PARN: variants seen among roughly 807,000 people sequenced by gnomAD.
The protein encoded by PARN is poly(A)-specific ribonuclease.
Under a neutral mutation model 102.8 loss-of-function variants are expected in PARN, and 71 were observed. The ratio of observed to expected loss-of-function variants is 0.69; its 90% CI spans 0.57 to 0.84. The LOEUF is 0.84. Ranked by LOEUF, PARN falls within the 40% of genes least tolerant of loss-of-function variation. The probability of loss-of-function intolerance (pLI) is 0.00; values close to 1 mark genes in which losing one functional copy is unlikely to be tolerated. For synonymous variants in PARN, 261 were observed against 252.9 expected (o/e 1.03, Z -0.30); for missense variants, 782 against 760.9 (o/e 1.03, Z -0.33).
chr16:14,474,422 T>C (rs1263274912), intron 22 of PARN, among the ~76,000 whole-genome samples: 1 of 152,206 alleles, frequency 6.6e-6, no homozygotes, highest in African/African-American at 2.4e-5. Context: ...CTATAAGGAT[T>C]TTCAAAACTC....
intron 21 of PARN, among the ~76,000 whole-genome samples, chr16:14,546,423 T>A (rs1966946688): frequency 6.6e-6 from 1 of 152,248 alleles, no homozygotes; most frequent in South Asian, 2.1e-4. Flanking sequence ...ACTATCTGAA[T>A]TTGGGCTTTT....
At chr16:14,439,423 G>A (rs538206740) in intron 23 of PARN, among the ~76,000 whole-genome samples, 56 of 149,232 alleles carry the variant, frequency 3.8e-4, no homozygotes, top group African/African-American at 1.3e-3. Context: ...AAGAAGACAG[G>A]GAGGGAGGGA....
chr16:14,555,758 C>T (rs1390300974), intron 18 of PARN, 49 bp from the exon 19 acceptor site: 11 of 957,526 alleles, frequency 1.1e-5, no homozygotes, highest in African/African-American at 1.7e-5. Context: ...CTTTAAAAGA[C>T]AGGCATTTTG....
intron 7 of PARN, among the ~76,000 whole-genome samples, chr16:14,609,949 C>T (rs561049063): frequency 1.9e-4 from 29 of 152,314 alleles, no homozygotes; most frequent in Admixed American, 3.3e-4. Flanking sequence ...CAATGGCTCA[C>T]GCCTGTAATC....
At chr16:14,608,590 G>A (rs1971334972) in intron 8 of PARN, among the ~76,000 whole-genome samples, 1 of 152,098 alleles carries the variant, frequency 6.6e-6, no homozygotes, top group Non-Finnish European at 1.5e-5. Context: ...CATAAAGAGA[G>A]CTTAAAGTAG....
intron 18 of PARN, 30 bp from the exon 19 acceptor site, chr16:14,555,739 G>A (rs1325016380): frequency 8.3e-7 from 1 of 1,210,450 alleles, no homozygotes; most frequent in East Asian, 2.6e-5. Flanking sequence ...ACAAGTAATG[G>A]GCAATTTCCT....
intron 6 of PARN, among the ~76,000 whole-genome samples, chr16:14,613,309 C>CA (rs754334898): frequency 0.022 from 1,601 of 73,288 alleles, 11 homozygotes; most frequent in South Asian, 0.031. Flanking sequence ...AACTCCATCT[C>CA]AAAAAAAAAA....
At chr16:14,468,908 T>TAGATAGATAGATAGAC (rs1555481221) in intron 22 of PARN, among the ~76,000 whole-genome samples, 52 of 150,668 alleles carry the variant, frequency 3.5e-4, no homozygotes, top group African/African-American at 1.2e-3. Context: ...GATAGATAGA[T>TAGATAGATAGATAGAC]AGATAGATAG....
At chr16:14,497,953 G>A (rs1775405081) in intron 21 of PARN, among the ~76,000 whole-genome samples, 1 of 151,944 alleles carries the variant, frequency 6.6e-6, no homozygotes, top group South Asian at 2.1e-4. Flanking sequence ...ATGAAACCCT[G>A]TTTCTACTAA....
chr16:14,506,737 T>G (rs1336287852), intron 21 of PARN, among the ~76,000 whole-genome samples: 1 of 152,210 alleles, frequency 6.6e-6, no homozygotes. Flanking sequence ...GAGCCTTTAG[T>G]TCCAGCTACT....
chr16:14,497,949 C>A (rs897864243), intron 21 of PARN, among the ~76,000 whole-genome samples: 2 of 151,932 alleles, frequency 1.3e-5, no homozygotes, highest in African/African-American at 4.8e-5. Flanking sequence ...CATGATGAAA[C>A]CCTGTTTCTA....
chr16:14,575,559 C>A (rs1388251367), intron 18 of PARN, among the ~76,000 whole-genome samples: 1 of 152,180 alleles, frequency 6.6e-6, no homozygotes, highest in Non-Finnish European at 1.5e-5. Context: ...TTTGGAATGG[C>A]TGTATTTATC....
intron 7 of PARN, among the ~76,000 whole-genome samples, chr16:14,610,303 T>C (rs1186932409): frequency 6.6e-6 from 1 of 151,832 alleles, no homozygotes; most frequent in Admixed American, 6.6e-5. Context: ...CAAAACCTCG[T>C]CTCTACTAAA....
chr16:14,502,344 C>T (rs1964668179), intron 21 of PARN, among the ~76,000 whole-genome samples: 1 of 152,220 alleles, frequency 6.6e-6, no homozygotes, highest in Non-Finnish European at 1.5e-5. Context: ...AGGGTCAGAA[C>T]ACACTACTGT....
chr16:14,574,511 G>A (rs547940940), intron 18 of PARN, among the ~76,000 whole-genome samples: 6 of 152,160 alleles, frequency 3.9e-5, no homozygotes, highest in South Asian at 2.1e-4. Context: ...TCAGGAGTTC[G>A]AGACAAGCCT....
At chr16:14,599,691 A>G (rs1461036767) in intron 12 of PARN, among the ~76,000 whole-genome samples, 1 of 152,206 alleles carries the variant, frequency 6.6e-6, no homozygotes, top group Non-Finnish European at 1.5e-5. Flanking sequence ...TTTTTCAAGC[A>G]AGGCTCCCTG....
chr16:14,553,962 T>C (rs1967491817), intron 20 of PARN, 103 bp downstream of exon 20: 1 of 696,288 alleles, frequency 1.4e-6, no homozygotes, highest in South Asian at 1.8e-5. Flanking sequence ...CCTTGAATAT[T>C]AACATTCTTT....
chr16:14,482,211 A>G (rs1596484826), intron 22 of PARN, among the ~76,000 whole-genome samples: 1 of 152,202 alleles, frequency 6.6e-6, no homozygotes, highest in Non-Finnish European at 1.5e-5. Context: ...AGCATGGGCA[A>G]TAGAGCGAGA....
chr16:14,581,444 T>C (rs887086400), intron 17 of PARN, among the ~76,000 whole-genome samples: 1 of 152,060 alleles, frequency 6.6e-6, no homozygotes, highest in African/African-American at 2.4e-5. Context: ...CTCCTCCCAC[T>C]CCTACCTCAA....
Sources: allele counts gnomAD v4.1 joint callset (sites outside exome capture counted in the v4.1 genomes callset), GRCh38; gene constraint gnomAD v4.1.1; transcripts MANE v1.5; gene names NCBI Gene and HGNC (gene_info 2026-07-23, HGNC 2026-07-21).